NCKAP5: variants seen among roughly 807,000 people sequenced by gnomAD.
NCKAP5 encodes NCK associated protein 5.
In NCKAP5, 92 loss-of-function variants were observed where a neutral mutation model predicts 167.0. The ratio of observed to expected loss-of-function variants is 0.55; its 90% CI spans 0.47 to 0.66. The LOEUF (loss-of-function observed/expected upper bound fraction) is 0.66, where lower values mean the gene tolerates loss of function less well. NCKAP5 is among the 30% of genes least tolerant of loss of function. The pLI is 0.00. For missense variants in NCKAP5, 2,378 were observed against 2,315.0 expected, an observed-to-expected ratio of 1.03 and a Z score of -0.56; for synonymous variants, 891 against 877.4, an observed-to-expected ratio of 1.02 and a Z score of -0.27.
chr2:133,443,740 C>A (rs1052646324), intron 3 of NCKAP5, among the ~76,000 whole-genome samples: 1 of 152,154 alleles, frequency 6.6e-6, no homozygotes, highest in East Asian at 1.9e-4. Context: ...TTCTTCCTAC[C>A]CTAGAGCTGT....
In NCKAP5 at chr2:133,106,019, C is replaced by G. The variant is rs2081675588; in HGVS notation, c.341+23959G>C. On this transcript the variant is annotated intron_variant, in intron 6 of 19. Transcript: ENST00000409261. ...TAAACCCGTCCCTCCTTTGGAAGCT[C>G]TCTTCTCCTTTTATTAAAAAAGGAA... is the stretch of plus-strand genomic sequence containing the variant. 2.0e-5 allele frequency among the ~76,000 whole-genome samples: 3 copies of G among 152,172 alleles called. No individual in the cohort carries two copies. In the East Asian group the frequency reaches 5.8e-4, roughly 29 times the overall value.
chr2:133,646,640 T>C, the NCKAP5 span, among the ~76,000 whole-genome samples: 1 of 152,130 alleles, frequency 6.6e-6, no homozygotes, highest in Admixed American at 6.5e-5. Flanking sequence ...AGCAACATGA[T>C]AGCATAAGAA....
At chr2:133,323,937 T>C (rs1301545891) in intron 3 of NCKAP5, among the ~76,000 whole-genome samples, 1 of 152,176 alleles carries the variant, frequency 6.6e-6, no homozygotes, top group Non-Finnish European at 1.5e-5. Flanking sequence ...CAATTTGGTG[T>C]TATGTCCCAA....
At chr2:133,627,538 A>T in the NCKAP5 span, among the ~76,000 whole-genome samples, 1 of 152,110 alleles carries the variant, frequency 6.6e-6, no homozygotes, top group Admixed American at 6.6e-5. Flanking sequence ...ACCTGGGGAG[A>T]TCGAGGCAGG....
intron 7 of NCKAP5, among the ~76,000 whole-genome samples, chr2:132,975,261 T>C (rs556952150): frequency 4.7e-4 from 71 of 152,204 alleles, no homozygotes; most frequent in Non-Finnish European, 8.7e-4. Context: ...ACTAAGCACA[T>C]GGTAAAATCC....
At chr2:133,447,268 C>A (rs1229658616) in intron 3 of NCKAP5, among the ~76,000 whole-genome samples, 1 of 152,166 alleles carries the variant, frequency 6.6e-6, no homozygotes, top group Non-Finnish European at 1.5e-5. Flanking sequence ...GCATATCTTA[C>A]TGAGCTACAT....
intron 4 of NCKAP5, among the ~76,000 whole-genome samples, chr2:133,283,847 G>T (rs1391243979): frequency 6.6e-6 from 1 of 152,088 alleles, no homozygotes; most frequent in Non-Finnish European, 1.5e-5. Flanking sequence ...CTGACCTCAG[G>T]TGATCCGCCC....
intron 11 of NCKAP5, among the ~76,000 whole-genome samples, chr2:132,849,493 T>C (rs529997947): frequency 2.0e-5 from 3 of 152,226 alleles, no homozygotes; most frequent in African/African-American, 7.2e-5. Flanking sequence ...TGGGCCAATA[T>C]CTCATTCACT....
At chr2:132,851,937 C>T (rs963200575) in intron 11 of NCKAP5, among the ~76,000 whole-genome samples, 1 of 152,150 alleles carries the variant, frequency 6.6e-6, no homozygotes, top group African/African-American at 2.4e-5. Flanking sequence ...GTTACTTAAT[C>T]TTTTCGTGCC....
chr2:133,315,325 C>G (rs959904120), intron 3 of NCKAP5, among the ~76,000 whole-genome samples: 1 of 151,974 alleles, frequency 6.6e-6, no homozygotes, highest in African/African-American at 2.4e-5. Context: ...ATGATGGATT[C>G]AATGTGGGAT....
chr2:133,511,443 C>T (rs1268879484), intron 3 of NCKAP5, among the ~76,000 whole-genome samples: 1 of 152,200 alleles, frequency 6.6e-6, no homozygotes, highest in African/African-American at 2.4e-5. Context: ...CAGTGATGGG[C>T]TGAGCTCGGC....
intron 6 of NCKAP5, among the ~76,000 whole-genome samples, chr2:133,046,933 C>T (rs772725993): frequency 3.3e-5 from 5 of 149,910 alleles, no homozygotes; most frequent in Admixed American, 2.0e-4. Context: ...CCTTTCCTGT[C>T]GTTGGTTCTA....
intron 6 of NCKAP5, among the ~76,000 whole-genome samples, chr2:133,077,923 T>A (rs183153576): frequency 6.6e-6 from 1 of 152,222 alleles, no homozygotes; most frequent in Admixed American, 6.5e-5. Flanking sequence ...AAATGGATGA[T>A]GCTTTTATGT....
intron 16 of NCKAP5, among the ~76,000 whole-genome samples, chr2:132,762,927 T>A (rs948880944): frequency 6.6e-5 from 10 of 152,202 alleles, no homozygotes; most frequent in African/African-American, 2.4e-4. Context: ...CATATTCTGG[T>A]AGGCTGGTAT....
intron 11 of NCKAP5, among the ~76,000 whole-genome samples, chr2:132,841,561 GATA>G (rs1308108572): frequency 6.6e-6 from 1 of 151,982 alleles, no homozygotes; most frequent in African/African-American, 2.4e-5. Context: ...CATATTGTAG[GATA>G]ATAATAGTGG....
chr2:133,314,319 A>G (rs1559376114), intron 3 of NCKAP5, among the ~76,000 whole-genome samples: 1 of 152,050 alleles, frequency 6.6e-6, no homozygotes, highest in African/African-American at 2.4e-5. Flanking sequence ...GGGAAAACAC[A>G]TTTGTTTGCT....
At chr2:133,572,241 T>G (rs973266658), upstream of NCKAP5, among the ~76,000 whole-genome samples, 2 of 152,184 alleles carry the variant, frequency 1.3e-5, no homozygotes, top group African/African-American at 4.8e-5. Context: ...CAGTGGTAAC[T>G]TGGAATAAGA....
At chr2:133,639,331 A>C in the NCKAP5 span, among the ~76,000 whole-genome samples, 1 of 152,004 alleles carries the variant, frequency 6.6e-6, no homozygotes, top group Non-Finnish European at 1.5e-5. Flanking sequence ...GCCCTTAAAA[A>C]CTCTTGTTCA....
the NCKAP5 span, among the ~76,000 whole-genome samples, chr2:133,578,716 C>A: frequency 6.6e-6 from 1 of 152,226 alleles, no homozygotes; most frequent in African/African-American, 2.4e-5. Context: ...TCTTCTGAAA[C>A]AATATACAGC....
Sources: allele counts gnomAD v4.1 joint callset (sites outside exome capture counted in the v4.1 genomes callset), GRCh38; gene constraint gnomAD v4.1.1; transcripts MANE v1.5; gene names NCBI Gene and HGNC (gene_info 2026-07-23, HGNC 2026-07-21).